ADGRV1: variants seen among roughly 807,000 people sequenced by gnomAD.
ADGRV1 encodes the protein adhesion G protein-coupled receptor V1, also known as G-protein coupled receptor 98.
In ADGRV1, 359 loss-of-function variants were observed where a neutral mutation model predicts 596.2. The ratio of observed to expected loss-of-function variants is 0.60; its 90% confidence interval spans 0.55 to 0.66. The LOEUF is 0.66. Ranked by LOEUF, ADGRV1 falls within the 30% of genes least tolerant of loss-of-function variation. ADGRV1 has a pLI of 0.00. For missense variants in ADGRV1, 7,274 were observed against 7,575.6 expected, an observed-to-expected ratio of 0.96 and a Z score of 1.48; for synonymous variants, 2,681 against 2,679.2, an observed-to-expected ratio of 1.00 and a Z score of -0.02.
chr5:90,658,204 A>G lies in ADGRV1; in HGVS notation c.4678A>G (p.Thr1560Ala). 6.4e-7 allele frequency: 1 copy of G among 1,573,702 alleles called. No individual in the cohort carries two copies. The highest frequency in any genetic ancestry group is 1.2e-5 in the South Asian group (1 of 82,878). Residue 1560 changes from threonine (T) to alanine (A), a missense_variant, in exon 21 of 90, where the codon ACT (threonine) becomes GCT (alanine). Physicochemically the swap from Thr to Ala is moderately conservative, Grantham distance 58. Around this residue, in one of 5 missense-constraint regions of ADGRV1, gnomAD observed 3,643 missense variants for 3,809.2 expected, o/e 0.96. Transcript: ENST00000405460. ...AGCTCGTATTTCGGAAGAAAATACT[A>G]CTGCAAGATTAACAATACAAAAAAG... ...GGARISEENT[T>A]ARLTIQKSDN...
intron 34 of ADGRV1, among the ~76,000 whole-genome samples, chr5:90,700,714 A>G (rs1361706557): frequency 2.0e-5 from 3 of 152,170 alleles, no homozygotes; most frequent in East Asian, 3.8e-4. Context: ...AAAGAAATAT[A>G]TAGAACCGCT....
Position 90,759,412 on chromosome 5 carries a change from A to G in ADGRV1, c.11944A>G (p.Thr3982Ala), listed in dbSNP as rs1756211264. 8 of 1,548,706 alleles carry G rather than the reference A, an allele frequency of 5.2e-6. No homozygotes were observed. The highest frequency in any genetic ancestry group is 6.1e-6 in the Non-Finnish European group (7 of 1,142,030). ...CCTTCCTTCCTTTCTTTCATAGGTT[A>G]CTGCAATGATAGAAATCACCATAAT... ...GILEFADKQV[T>A]AMIEITIIDD... is the part of the protein sequence containing the mutation. Residue 3982 changes from threonine to alanine, a missense_variant, in exon 58 of 90, where the codon ACT becomes GCT. Around this residue, in one of 5 missense-constraint regions of ADGRV1, gnomAD observed 3,643 missense variants for 3,809.2 expected, o/e 0.96. Transcript: ENST00000405460.
In ADGRV1 at chr5:90,683,849, T is replaced by C. The variant is rs1199598914; in HGVS notation, c.5928T>C (p.Tyr1976=). 1 of 1,613,744 alleles carries C rather than the reference T, an allele frequency of 6.2e-7. No individual in the cohort carries two copies. The highest frequency in any genetic ancestry group is 1.7e-5 in the Admixed American group (1 of 59,984). The change falls in exon 28 of 90, where the codon TAT becomes TAC. Residue 1976 remains tyrosine (Y), a synonymous_variant. Coordinates refer to ENST00000405460, the MANE Select transcript of ADGRV1 (RefSeq NM_032119.4). ...CAGTTTTGGCTAGTGATGATCCATA[T>C]GGGATATTCATTTTTTCTGAGAAAA... ...TLTVLASDDP[Y]GIFIFSEKNR... is the part of the protein sequence containing the mutation.
In ADGRV1 at chr5:90,725,214, TG is replaced by T; in HGVS notation, c.10037del (p.Gly3346AspfsTer18). ...TTAACAGTGTGTTTACATTCACATC[TG>T]GATTTAAATTATTCCTGGTAAAAAC... ...SLNSVFTFTS[G>X]FKLFLVQTII... On this transcript the variant is annotated frameshift_variant, in exon 47 of 90. Coordinates refer to ENST00000405460, the MANE Select transcript of ADGRV1 (RefSeq NM_032119.4). LOFTEE classifies it high-confidence loss of function. 6.8e-7 allele frequency: 1 copy of T among 1,470,544 alleles called. No homozygotes were observed. The highest frequency in any genetic ancestry group is 1.8e-4 in the Middle Eastern group (1 of 5,464). 91.1% of individuals were successfully genotyped at this position (1,470,544 alleles called of 1,614,324 possible).
intron 83 of ADGRV1, among the ~76,000 whole-genome samples, chr5:90,930,056 G>T (rs1775076508): frequency 6.6e-6 from 1 of 152,030 alleles, no homozygotes; most frequent in African/African-American, 2.4e-5. Flanking sequence ...CCATTTTAAT[G>T]GCCTGACCAC....
At chr5:91,046,242 G>A (rs149824779) in intron 85 of ADGRV1, among the ~76,000 whole-genome samples, 2,292 of 152,174 alleles carry the variant, frequency 0.015, 48 homozygotes, top group African/African-American at 0.051. Flanking sequence ...AAATCTGGAG[G>A]CATCACATTA....
At chr5:90,987,153 T>C (rs943096236) in intron 85 of ADGRV1, among the ~76,000 whole-genome samples, 1 of 152,190 alleles carries the variant, frequency 6.6e-6, no homozygotes, top group Non-Finnish European at 1.5e-5. Context: ...ATGTAAAATA[T>C]AGTTACTTCT....
intron 1 of ADGRV1, among the ~76,000 whole-genome samples, chr5:90,571,681 G>A (rs1756545783): frequency 6.6e-6 from 1 of 152,124 alleles, no homozygotes; most frequent in South Asian, 2.1e-4. Context: ...CCACTAGATA[G>A]ATCAAACAAT....
intron 85 of ADGRV1, among the ~76,000 whole-genome samples, chr5:91,054,170 C>A (rs188005290): frequency 1.3e-5 from 2 of 149,064 alleles, no homozygotes; most frequent in Admixed American, 6.7e-5. Context: ...GAGAGCAAAC[C>A]GGGATGAATG....
intron 1 of ADGRV1, among the ~76,000 whole-genome samples, chr5:90,598,027 G>A (rs528857218): frequency 1.3e-5 from 2 of 152,300 alleles, no homozygotes; most frequent in East Asian, 3.9e-4. Context: ...TATTTTAAAT[G>A]TATGAAGATA....
At chr5:91,115,972 A>AACG (rs1792817930) in intron 87 of ADGRV1, among the ~76,000 whole-genome samples, 1 of 151,918 alleles carries the variant, frequency 6.6e-6, no homozygotes, top group Non-Finnish European at 1.5e-5. Flanking sequence ...CAACAACAAC[A>AACG]GACTAATAAC....
rs1581337206 is a variant in ADGRV1 at position 90,855,952 on chromosome 5, A to G, written c.17755+51A>G. On this transcript the variant is annotated intron_variant, in intron 82 of 89. Transcript: ENST00000405460. ...TGGTTATAAATATTTATGAAAATGA[A>G]AGTCTGTTTTCCCATAATCCTTTTA... is the stretch of plus-strand genomic sequence containing the variant. The G allele has an allele frequency of 2.1e-6, 3 of 1,448,338 alleles. No individual in the cohort carries two copies. The East Asian group carries it at 6.8e-5, about 33-fold the overall frequency. 89.7% of individuals were successfully genotyped at this position (1,448,338 alleles called of 1,614,324 possible).
At chr5:90,735,386 A>T (rs1580933312) in intron 50 of ADGRV1, among the ~76,000 whole-genome samples, 1 of 152,184 alleles carries the variant, frequency 6.6e-6, no homozygotes, top group Admixed American at 6.5e-5. Context: ...GTCTGTTTTT[A>T]TGCCAGTACC....
chr5:90,595,941 T>C (rs1760450661), intron 1 of ADGRV1, among the ~76,000 whole-genome samples: 2 of 150,316 alleles, frequency 1.3e-5, no homozygotes, highest in African/African-American at 2.5e-5. Flanking sequence ...GAGACGCTCC[T>C]CACTTCCCAG....
intron 84 of ADGRV1, among the ~76,000 whole-genome samples, chr5:90,969,392 G>A (rs900967194): frequency 1.3e-5 from 2 of 152,160 alleles, no homozygotes; most frequent in Non-Finnish European, 2.9e-5. Context: ...TCATCTTCAT[G>A]TAGTGGAAAG....
rs1404014734 is a variant in ADGRV1, at chr5:90,694,290, A to G, written c.7534A>G (p.Ile2512Val). ...DYEPVTRQWA[I>V]MQEGDEFANL... Reference sequence around the variant, plus strand: ...TGAGCCTGTGACAAGGCAATGGGCCATAATGCAGGAAGGTGATGAATTCGC... The same window carrying G: ...TGAGCCTGTGACAAGGCAATGGGCCGTAATGCAGGAAGGTGATGAATTCGC... The change falls in exon 33 of 90, where the codon ATA becomes GTA. Residue 2512 changes from isoleucine to valine, a missense_variant. Ile to Val is a conservative substitution (Grantham distance 29, BLOSUM62 3). Around this residue, in one of 5 missense-constraint regions of ADGRV1, gnomAD observed 3,643 missense variants for 3,809.2 expected, o/e 0.96. Coordinates refer to ENST00000405460, the MANE Select transcript of ADGRV1 (RefSeq NM_032119.4). The G allele has an allele frequency of 3.1e-6, 5 of 1,614,000 alleles. No individual in the cohort carries two copies. Among genetic ancestry groups the G allele is most frequent in the Non-Finnish European group, 4.2e-6 (5 of 1,179,860 alleles).
chr5:90,581,015 CT>C (rs1580340113), intron 1 of ADGRV1, among the ~76,000 whole-genome samples: 1 of 152,320 alleles, frequency 6.6e-6, no homozygotes, highest in East Asian at 1.9e-4. Context: ...TCTTCAATCA[CT>C]GTTATCCTTT....
intron 82 of ADGRV1, among the ~76,000 whole-genome samples, chr5:90,857,682 GAC>G (rs1259593511): frequency 6.6e-6 from 1 of 152,126 alleles, no homozygotes; most frequent in Non-Finnish European, 1.5e-5. Context: ...TCGATAAGGA[GAC>G]ACAAAGTCTT....
At chr5:91,010,354 C>A (rs1209172651) in intron 85 of ADGRV1, among the ~76,000 whole-genome samples, 1 of 152,084 alleles carries the variant, frequency 6.6e-6, no homozygotes, top group Non-Finnish European at 1.5e-5. Context: ...CTCAACTATA[C>A]ACAAAGGCTA....
Sources: gnomAD v4.1 joint callset for allele counts (sites outside exome capture counted in the v4.1 genomes callset) on GRCh38, gnomAD v4.1.1 for gene constraint, gnomAD v4.1.1 regional missense constraint, MANE v1.5 for transcripts, NCBI Gene and HGNC (gene_info 2026-07-23, HGNC 2026-07-21) for gene names.